Variants in PPIF observed in about 807,000 individuals in gnomAD.
PPIF encodes peptidyl-prolyl cis-trans isomerase F, mitochondrial.
PPIF carries 23 observed loss-of-function variants against 20.2 expected under a neutral mutation model. That is an observed-to-expected ratio of 1.14 (90% CI 0.82 to 1.61). The LOEUF is 1.61. PPIF is among the 40% of genes most tolerant of loss of function. The pLI is 0.00. For synonymous variants in PPIF, 113 were observed against 123.1 expected, an observed-to-expected ratio of 0.92 and a Z score of 0.54; for missense variants, 287 against 291.6, an observed-to-expected ratio of 0.98 and a Z score of 0.11.
rs1187687286 is a variant in PPIF at position 79,347,630 on chromosome 10, C to G, written c.82C>G (p.Arg28Gly). The G allele has an allele frequency of 5.5e-6, 8 of 1,450,696 alleles. No homozygotes were observed. The highest frequency in any genetic ancestry group is 7.3e-6 in the Non-Finnish European group (8 of 1,097,262). 89.9% of individuals were successfully genotyped at this position (1,450,696 alleles called of 1,614,324 possible). A position where few individuals can be genotyped will look rare whatever the true frequency, so the allele number is the denominator to read the frequency against. Residue 28 changes from arginine (R) to glycine (G), a missense_variant, in exon 1 of 6, where the codon CGC (arginine) becomes GGC (glycine). Physicochemically the swap from Arg to Gly is moderately radical, Grantham distance 125 (BLOSUM62 -2). Coordinates refer to ENST00000225174, the MANE Select transcript of PPIF (RefSeq NM_005729.4). ...RSVPLRLPAA[R>G]ACSKGSGDPS... ...CGTGCCGCTGCGCCTCCCCGCGGCC[C>G]GCGCCTGCAGCAAGGGCTCCGGCGA...
At chr10:79,351,741 G>A (rs1237550572) in intron 4 of PPIF, 158 bp downstream of exon 4, 2 of 642,020 alleles carry the variant, frequency 3.1e-6, no homozygotes, top group Non-Finnish European at 5.2e-6. Context: ...TTTCTGGCTT[G>A]TTGAGTTTCC....
chr10:79,350,647 A>C (rs1256749326), intron 3 of PPIF, among the ~76,000 whole-genome samples: 1 of 152,198 alleles, frequency 6.6e-6, no homozygotes, highest in African/African-American at 2.4e-5. Flanking sequence ...CTGAGGTGGA[A>C]GTCCTGAGCC....
chr10:79,353,501 C>G, intron 5 of PPIF: 2 of 794,556 alleles, frequency 2.5e-6, no homozygotes, highest in Non-Finnish European at 3.9e-6. Context: ...ACATGAGTGA[C>G]AGAATGTGTC....
rs145797814 is a variant in PPIF, at chr10:79,350,510, C to T, written c.315+757C>T. 4.7e-4 allele frequency among the ~76,000 whole-genome samples: 71 copies of T among 152,288 alleles called. No individual in the cohort carries two copies. The East Asian group carries it at 0.011, about 24-fold the overall frequency. ...ATTCCCTCCACCCTGACCCAGTGGC[C>T]GTCATCGTACCGTGGTAAGTGGCAG... On this transcript the variant is annotated intron_variant, in intron 3 of 5. Coordinates refer to ENST00000225174, the MANE Select transcript of PPIF (RefSeq NM_005729.4).
chr10:79,353,923 G>T lies in PPIF; in HGVS notation c.*81G>T, dbSNP rs765036683. 16 of 1,463,890 alleles carry T rather than the reference G, an allele frequency of 1.1e-5. No homozygotes were observed. The highest frequency in any genetic ancestry group is 1.5e-5 in the Non-Finnish European group (16 of 1,067,474). The allele number at this position is 1,463,890 out of a possible 1,614,324, so 90.7% of individuals were successfully genotyped here. A position where few individuals can be genotyped will look rare whatever the true frequency, so the allele number is the denominator to read the frequency against. ...GCCGCGTTGGGCTGTCAGCCAAGGTGCCTGAAACGATACGTGTGCCCACTC... is the reference window on the plus strand; with the variant it reads ...GCCGCGTTGGGCTGTCAGCCAAGGTTCCTGAAACGATACGTGTGCCCACTC... On this transcript the variant is annotated 3_prime_UTR_variant, in exon 6 of 6. Transcript: ENST00000225174.
rs774985433 is a variant in PPIF, at chr10:79,353,720, C to T, written c.502C>T (p.His168Tyr). 1 of 1,614,210 alleles carries T rather than the reference C, an allele frequency of 6.2e-7. No individual in the cohort carries two copies. The highest frequency in any genetic ancestry group is 1.7e-5 in the Admixed American group (1 of 60,030). ...TIKTDWLDGKHVVFGHVKEGM... is the reference protein window; with the variant it reads ...TIKTDWLDGKYVVFGHVKEGM... Reference sequence around the variant, plus strand: ...CCGTCCTCACAGGTTGGATGGCAAGCATGTTGTGTTCGGTCACGTCAAAGA... The same window carrying T: ...CCGTCCTCACAGGTTGGATGGCAAGTATGTTGTGTTCGGTCACGTCAAAGA... The change falls in exon 6 of 6, where the codon CAT becomes TAT. Residue 168 changes from histidine (H) to tyrosine (Y), a missense_variant. By Grantham distance (83) the His-to-Tyr change is moderately conservative. Coordinates refer to ENST00000225174, the MANE Select transcript of PPIF (RefSeq NM_005729.4).
Position 79,352,217 on chromosome 10 carries a change from C to T in PPIF, c.413-100C>T, listed in dbSNP as rs955992006. On this transcript the variant is annotated intron_variant, in intron 4 of 5. Coordinates refer to ENST00000225174, the MANE Select transcript of PPIF (RefSeq NM_005729.4). The stretch of plus-strand genomic sequence containing the variant: ...TTCTGGGTCCCAGGATCTGCAGACT[C>T]GAATGTCCCTGGTGTGGTTTGCACC... 19 of 1,068,298 alleles carry T rather than the reference C, an allele frequency of 1.8e-5. No individual in the cohort carries two copies. In the Admixed American group the frequency reaches 2.2e-4, roughly 12 times the overall value. The allele number at this position is 1,068,298 out of a possible 1,614,324, so 66.2% of individuals were successfully genotyped here.
In PPIF at chr10:79,353,974, G is replaced by C. The variant is rs1247223845; in HGVS notation, c.*132G>C. 3 of 1,072,568 alleles carry C rather than the reference G, an allele frequency of 2.8e-6. No individual in the cohort carries two copies. In the African/African-American group the frequency reaches 4.7e-5, roughly 17 times the overall value. The allele number at this position is 1,072,568 out of a possible 1,614,324, so 66.4% of individuals were successfully genotyped here. On this transcript the variant is annotated 3_prime_UTR_variant, in exon 6 of 6. Coordinates refer to ENST00000225174, the MANE Select transcript of PPIF (RefSeq NM_005729.4). ...CACTGTCACAGTGTGCCTGAGGAAG[G>C]CTGCTAGGGATGTTAGACCTCGGCC...
chr10:79,354,591 G>C lies in PPIF; in HGVS notation c.*749G>C, dbSNP rs1856025384. The C allele has an allele frequency of 6.5e-6, 1 of 152,796 alleles. No individual in the cohort carries two copies. Among genetic ancestry groups the C allele is most frequent in the Non-Finnish European group, 1.5e-5 (1 of 68,062 alleles). 9.5% of individuals were successfully genotyped at this position (152,796 alleles called of 1,614,324 possible). On this transcript the variant is annotated 3_prime_UTR_variant, in exon 6 of 6. Coordinates refer to ENST00000225174, the MANE Select transcript of PPIF (RefSeq NM_005729.4). ...GTGCTCCGGAGGGAAGCATTTCCTG[G>C]TAGGCTTTGATTTTTCTGTGTGTTA... is the stretch of plus-strand genomic sequence containing the variant.
chr10:79,348,118 C>G (rs1175033930), intron 1 of PPIF, among the ~76,000 whole-genome samples: 1 of 151,638 alleles, frequency 6.6e-6, no homozygotes, highest in Non-Finnish European at 1.5e-5. Flanking sequence ...AGCGTCGTGG[C>G]CCAGCGGGTG....
chr10:79,351,381 G>A (rs1470048890), intron 3 of PPIF, 106 bp from the exon 4 acceptor site: 1 of 865,002 alleles, frequency 1.2e-6, no homozygotes, highest in Non-Finnish European at 1.8e-6. Context: ...TTACCTGAGG[G>A]GCGCCAACTG....
chr10:79,348,794 C>T (rs1855936652), intron 1 of PPIF, among the ~76,000 whole-genome samples: 2 of 152,210 alleles, frequency 1.3e-5, no homozygotes, highest in South Asian at 4.1e-4. Context: ...GCTGTGGGAG[C>T]ACTGCCAGCT....
Position 79,349,650 on chromosome 10 carries a change from C to A in PPIF, c.227-15C>A. On this transcript the variant is annotated splice_polypyrimidine_tract_variant and intron_variant, in intron 2 of 5. Transcript: ENST00000225174. The stretch of plus-strand genomic sequence containing the variant: ...GGCCTGGCCCTGTTGACCTGTGTTT[C>A]TCTTCGACCCTCAGAGAACTTCAGA... 1 of 1,612,776 alleles carries A rather than the reference C, an allele frequency of 6.2e-7. No individual in the cohort carries two copies. Among genetic ancestry groups the A allele is most frequent in the Non-Finnish European group, 8.5e-7 (1 of 1,179,930 alleles).
rs944995509 is a variant in PPIF at position 79,354,080 on chromosome 10, C to T, written c.*238C>T. ...GCATCTTTGTGGACATGATGTCACC[C>T]ACCCCTTGTCAAGCATTGCCTGTGA... On this transcript the variant is annotated 3_prime_UTR_variant, in exon 6 of 6. Coordinates refer to ENST00000225174, the MANE Select transcript of PPIF (RefSeq NM_005729.4). The T allele has an allele frequency of 1.9e-6, 1 of 538,750 alleles. No homozygotes were observed. The highest frequency in any genetic ancestry group is 1.9e-5 in the African/African-American group (1 of 52,524). 33.4% of individuals were successfully genotyped at this position (538,750 alleles called of 1,614,324 possible).
In PPIF at chr10:79,353,846, G is replaced by A; in HGVS notation, c.*4G>A. On this transcript the variant is annotated 3_prime_UTR_variant, in exon 6 of 6. Coordinates refer to ENST00000225174, the MANE Select transcript of PPIF (RefSeq NM_005729.4). ...AGACTGTGGCCAGTTGAGCTAATCTGTGGCCAGGGTGCTGGCATGGTGGCA... is the reference window on the plus strand; with the variant it reads ...AGACTGTGGCCAGTTGAGCTAATCTATGGCCAGGGTGCTGGCATGGTGGCA... 1 of 1,613,928 alleles carries A rather than the reference G, an allele frequency of 6.2e-7. No individual in the cohort carries two copies. Among genetic ancestry groups the A allele is most frequent in the Non-Finnish European group, 8.5e-7 (1 of 1,179,836 alleles).
At chr10:79,351,441 C>T in intron 3 of PPIF, 46 bp from the exon 4 acceptor site, 1 of 1,598,188 alleles carries the variant, frequency 6.3e-7, no homozygotes, top group Non-Finnish European at 8.6e-7. Context: ...GCCGTGGCCC[C>T]CGCCTGCTCC....
At position 79,350,252 on chromosome 10, in the gene PPIF, A is replaced by G. The variant is rs1183164187; in HGVS notation, c.315+499A>G. The stretch of plus-strand genomic sequence containing the variant: ...TCGGTGAAATGAATGTTTTTCGGTC[A>G]TGTGTCATGCTCAGTTTTCACAAGC... On this transcript the variant is annotated intron_variant, in intron 3 of 5. Coordinates refer to ENST00000225174, the MANE Select transcript of PPIF (RefSeq NM_005729.4). 3.3e-5 allele frequency among the ~76,000 whole-genome samples: 5 copies of G among 152,270 alleles called. No individual in the cohort carries two copies. In the South Asian group the frequency reaches 6.2e-4, roughly 19 times the overall value.
chr10:79,347,705 G>A lies in PPIF; in HGVS notation c.157G>A (p.Asp53Asn), dbSNP rs774581607. Residue 53 changes from aspartate to asparagine, a missense_variant, in exon 1 of 6, where the codon GAC (aspartate) becomes AAC (asparagine). Transcript: ENST00000225174. Reference sequence around the variant, plus strand: ...GAACCCGCTCGTGTACCTGGACGTGGACGCCAACGGGAAGCCGCTCGGCCG... The same window carrying A: ...GAACCCGCTCGTGTACCTGGACGTGAACGCCAACGGGAAGCCGCTCGGCCG... ...SGNPLVYLDV[D>N]ANGKPLGRVV... 1 of 1,463,754 alleles carries A rather than the reference G, an allele frequency of 6.8e-7. No individual in the cohort carries two copies. The highest frequency in any genetic ancestry group is 9.1e-7 in the Non-Finnish European group (1 of 1,102,822). 90.7% of individuals were successfully genotyped at this position (1,463,754 alleles called of 1,614,324 possible).
rs763787349 is a variant in PPIF at position 79,353,738 on chromosome 10, G to T, written c.520G>T (p.Val174Phe). The T allele has an allele frequency of 1.4e-5, 22 of 1,614,262 alleles. No individual in the cohort carries two copies. The highest frequency in any genetic ancestry group is 1.4e-5 in the Non-Finnish European group (17 of 1,180,048). The part of the protein sequence containing the change: ...LDGKHVVFGH[V>F]KEGMDVVKKI... ...TGGCAAGCATGTTGTGTTCGGTCAC[G>T]TCAAAGAGGGCATGGACGTCGTGAA... is the stretch of plus-strand genomic sequence containing the variant. Residue 174 changes from valine to phenylalanine, a missense_variant, in exon 6 of 6, where the codon GTC becomes TTC. Physicochemically the swap from Val to Phe is conservative, Grantham distance 50. Transcript: ENST00000225174.
Sources: gnomAD v4.1 joint callset for allele counts (sites outside exome capture counted in the v4.1 genomes callset) on GRCh38, gnomAD v4.1.1 for gene constraint, MANE v1.5 for transcripts, NCBI Gene and HGNC (gene_info 2026-07-23, HGNC 2026-07-21) for gene names.